Variants in GNB4 observed in about 807,000 individuals in gnomAD.
GNB4 encodes guanine nucleotide-binding protein subunit beta-4.
Under a neutral mutation model 45.2 loss-of-function variants are expected in GNB4, and 28 were observed. The observed-to-expected ratio is 0.62, with a 90% CI of 0.46 to 0.85. GNB4 has a LOEUF of 0.85. GNB4 is among the 40% of genes least tolerant of loss of function. The probability of loss-of-function intolerance (pLI) is 0.00; values close to 1 mark genes in which losing one functional copy is unlikely to be tolerated. For missense variants in GNB4, 321 were observed against 425.4 expected (o/e 0.75, Z 2.16); for synonymous variants, 132 against 143.7 (o/e 0.92, Z 0.58).
intron 5 of GNB4, among the ~76,000 whole-genome samples, chr3:179,415,720 A>C (rs1001733550): frequency 6.6e-6 from 1 of 152,212 alleles, no homozygotes; most frequent in Admixed American, 6.5e-5. Flanking sequence ...GCTCTCACTT[A>C]ACCTAAAATA....
intron 2 of GNB4, among the ~76,000 whole-genome samples, chr3:179,422,232 T>C (rs1170774039): frequency 1.3e-5 from 2 of 152,176 alleles, no homozygotes; most frequent in East Asian, 3.8e-4. Context: ...AATACAAGAA[T>C]TCTACAAATA....
Position 179,400,671 on chromosome 3 carries a change from C to G in GNB4, c.*542G>C, listed in dbSNP as rs1277040243. On this transcript the variant is annotated 3_prime_UTR_variant, in exon 10 of 10. Coordinates refer to ENST00000232564, the MANE Select transcript of GNB4 (RefSeq NM_021629.4). ...TGCATGAGAAACAATGAACTCCCCT[C>G]AGAGGTGCCCCACCTGTCAATGCTC... The G allele has an allele frequency of 6.6e-6, 1 of 152,236 alleles. No individual in the cohort carries two copies. The highest frequency in any genetic ancestry group is 2.4e-5 in the African/African-American group (1 of 41,434). 9.4% of individuals were successfully genotyped at this position (152,236 alleles called of 1,614,324 possible).
Position 179,413,138 on chromosome 3 carries a change from G to A in GNB4, c.699+274C>T, listed in dbSNP as rs190960521. On this transcript the variant is annotated intron_variant, in intron 8 of 9. Coordinates refer to ENST00000232564, the MANE Select transcript of GNB4 (RefSeq NM_021629.4). The stretch of plus-strand genomic sequence containing the variant: ...GGCTGCAGTGAGCCGTGACTGCACC[G>A]CTGCACTCCAGCCTGGACGACAGAG... 1.9e-3 allele frequency among the ~76,000 whole-genome samples: 295 copies of A among 151,824 alleles called. 1 individual carries two copies. Among genetic ancestry groups the A allele is most frequent in the Non-Finnish European group, 3.5e-3 (236 of 67,914 alleles).
the GNB4 span, among the ~76,000 whole-genome samples, chr3:179,511,287 A>T: frequency 6.6e-6 from 1 of 152,118 alleles, no homozygotes; most frequent in African/African-American, 2.4e-5. Flanking sequence ...CTCTCACTAT[A>T]AGGGCACCAT....
chr3:179,462,483 T>C, the GNB4 span, among the ~76,000 whole-genome samples: 1 of 152,220 alleles, frequency 6.6e-6, no homozygotes, highest in South Asian at 2.1e-4. Flanking sequence ...CTGTCACTTA[T>C]GAGCTGTGTG....
the GNB4 span, among the ~76,000 whole-genome samples, chr3:179,480,320 A>T: frequency 6.6e-6 from 1 of 152,206 alleles, no homozygotes; most frequent in Non-Finnish European, 1.5e-5. Context: ...GGTGTTCCCA[A>T]TGGAAATGAC....
At chr3:179,524,600 C>CT in the GNB4 span, among the ~76,000 whole-genome samples, 426 of 152,112 alleles carry the variant, frequency 2.8e-3, 2 homozygotes, top group African/African-American at 9.6e-3. Flanking sequence ...ATTTTTTGAG[C>CT]TTTTTTTAAA....
the GNB4 span, among the ~76,000 whole-genome samples, chr3:179,519,709 C>G: frequency 1.3e-5 from 2 of 152,120 alleles, no homozygotes; most frequent in South Asian, 2.1e-4. Context: ...CAGTTCGAAG[C>G]CTCCTTCACA....
the GNB4 span, among the ~76,000 whole-genome samples, chr3:179,494,573 G>T: frequency 1.3e-5 from 2 of 148,300 alleles, no homozygotes; most frequent in Middle Eastern, 3.6e-3. Flanking sequence ...GAAGGAAGGA[G>T]GGAGGGAGCG....
chr3:179,514,036 A>G, the GNB4 span, among the ~76,000 whole-genome samples: 1 of 152,214 alleles, frequency 6.6e-6, no homozygotes, highest in Admixed American at 6.5e-5. Context: ...CAGAAGGATT[A>G]CAGTGATGAC....
the GNB4 span, among the ~76,000 whole-genome samples, chr3:179,475,232 T>G: frequency 6.6e-6 from 1 of 151,846 alleles, no homozygotes; most frequent in African/African-American, 2.4e-5. Context: ...GTTCTCCAAC[T>G]TCAGCCTCCC....
chr3:179,440,203 G>C (rs1255341211), intron 1 of GNB4, among the ~76,000 whole-genome samples: 1 of 152,134 alleles, frequency 6.6e-6, no homozygotes, highest in African/African-American at 2.4e-5. Context: ...ACAGAACTAT[G>C]ATTTTTGGGG....
chr3:179,464,908 C>T, the GNB4 span: 16 of 1,512,618 alleles, frequency 1.1e-5, no homozygotes, highest in South Asian at 7.9e-5. Context: ...AGCGAACTGA[C>T]ATTCCAACCC....
intron 8 of GNB4, among the ~76,000 whole-genome samples, chr3:179,408,449 A>G (rs557744444): frequency 1.3e-5 from 2 of 152,290 alleles, no homozygotes; most frequent in South Asian, 2.1e-4. Flanking sequence ...TTTAATGTCT[A>G]TGTAACTTAA....
the GNB4 span, among the ~76,000 whole-genome samples, chr3:179,486,038 G>C: frequency 1.3e-5 from 2 of 151,946 alleles, no homozygotes; most frequent in Non-Finnish European, 2.9e-5. Flanking sequence ...GCCTGGCCAA[G>C]ATGGTGAAAC....
chr3:179,402,492 T>C (rs373215122), intron 9 of GNB4, among the ~76,000 whole-genome samples: 3 of 152,040 alleles, frequency 2.0e-5, no homozygotes, highest in East Asian at 3.8e-4. Context: ...TTGAAAGAGG[T>C]TGTAGAAAAT....
the GNB4 span, among the ~76,000 whole-genome samples, chr3:179,493,469 G>T: frequency 2.0e-5 from 3 of 148,614 alleles, no homozygotes; most frequent in Non-Finnish European, 4.4e-5. Flanking sequence ...CAGCAGACTT[G>T]ATCAAACAGA....
the GNB4 span, chr3:179,464,973 C>A: frequency 6.5e-7 from 1 of 1,543,468 alleles, no homozygotes; most frequent in Non-Finnish European, 9.0e-7. Context: ...ATGCCCATTG[C>A]AATGTTACTG....
intron 6 of GNB4, 119 bp from the exon 7 acceptor site, chr3:179,413,900 ATAGTC>A: frequency 1.4e-6 from 1 of 721,370 alleles, no homozygotes; most frequent in East Asian, 2.7e-5. Context: ...GTTTGTCAAT[ATAGTC>A]TATAGTTCTA....
Sources: allele counts gnomAD v4.1 joint callset (sites outside exome capture counted in the v4.1 genomes callset), GRCh38; gene constraint gnomAD v4.1.1; transcripts MANE v1.5; gene names NCBI Gene and HGNC (gene_info 2026-07-23, HGNC 2026-07-21).